The following CELF2 variants were observed in gnomAD, a reference collection of about 807,000 sequenced individuals.
The protein encoded by CELF2 is CUG triplet repeat RNA-binding protein 2.
Under a neutral mutation model 62.6 loss-of-function variants are expected in CELF2, and 8 were observed. The ratio of observed to expected loss-of-function variants is 0.13; its 90% CI spans 0.07 to 0.23. The LOEUF (loss-of-function observed/expected upper bound fraction) is 0.23. Among genes scored for constraint, CELF2 ranks in the 10% least tolerant of loss-of-function variants. The pLI, the probability that CELF2 is intolerant of heterozygous loss-of-function variation, is 1.00. For synonymous variants in CELF2, 258 were observed against 250.0 expected (o/e 1.03, Z -0.30); for missense variants, 333 against 671.0 (o/e 0.50, Z 5.56).
intron 1 of CELF2, among the ~76,000 whole-genome samples, chr10:11,148,047 G>C (rs1035794194): frequency 6.6e-6 from 1 of 152,244 alleles, no homozygotes; most frequent in African/African-American, 2.4e-5. Context: ...AGCGCTGCTT[G>C]TTTATTTGCA....
At chr10:11,264,415 G>C (rs933069213) in intron 5 of CELF2, among the ~76,000 whole-genome samples, 9 of 152,290 alleles carry the variant, frequency 5.9e-5, no homozygotes, top group African/African-American at 2.2e-4. Context: ...CATGGTGCTG[G>C]ATAATAAGAG....
the CELF2 span, among the ~76,000 whole-genome samples, chr10:10,465,836 C>G: frequency 6.6e-6 from 1 of 152,078 alleles, no homozygotes; most frequent in Non-Finnish European, 1.5e-5. Flanking sequence ...TACCAGCTAA[C>G]AAGCTCTAAG....
chr10:11,014,370 T>A (rs2056929803), upstream of CELF2, among the ~76,000 whole-genome samples: 1 of 152,202 alleles, frequency 6.6e-6, no homozygotes. Context: ...AATGGAAATG[T>A]CACAAGATAT....
chr10:11,275,961 AAGG>A (rs1418089417), intron 8 of CELF2, among the ~76,000 whole-genome samples: 1 of 152,198 alleles, frequency 6.6e-6, no homozygotes. Context: ...GGGAGAGAGC[AAGG>A]AGAACAGGTT....
chr10:10,986,511 AAGTT>A (rs150158266), intron 2 of CELF2, among the ~76,000 whole-genome samples: 3,374 of 152,280 alleles, frequency 0.022, 63 homozygotes, highest in Middle Eastern at 0.051. Context: ...TAAAGTGTGG[AAGTT>A]AGTTAGGTAT....
At chr10:10,753,781 G>A in the CELF2 span, among the ~76,000 whole-genome samples, 3 of 152,202 alleles carry the variant, frequency 2.0e-5, no homozygotes, top group Non-Finnish European at 2.9e-5. Context: ...TAAAGTTTAT[G>A]CATTGAACTA....
chr10:10,718,842 C>T, the CELF2 span, among the ~76,000 whole-genome samples: 1 of 152,028 alleles, frequency 6.6e-6, no homozygotes, highest in Non-Finnish European at 1.5e-5. Context: ...ATTCTCTATA[C>T]CAATTCCCCA....
chr10:11,295,922 G>C (rs1421920641), intron 9 of CELF2, among the ~76,000 whole-genome samples: 3 of 152,182 alleles, frequency 2.0e-5, no homozygotes, highest in African/African-American at 7.2e-5. Flanking sequence ...TGAGTGGATG[G>C]ATACTCCAGG....
intron 1 of CELF2, among the ~76,000 whole-genome samples, chr10:10,828,877 G>A (rs1343517360): frequency 1.3e-5 from 2 of 152,216 alleles, no homozygotes; most frequent in African/African-American, 4.8e-5. Context: ...CACTGAAAGT[G>A]ATGCTGAGCC....
At chr10:11,133,897 C>T (rs2059994094) in intron 1 of CELF2, among the ~76,000 whole-genome samples, 1 of 152,182 alleles carries the variant, frequency 6.6e-6, no homozygotes. Context: ...CCCTCCCCAG[C>T]TTAGCAGATG....
chr10:11,286,151 T>C (rs1397626805), intron 8 of CELF2, among the ~76,000 whole-genome samples: 1 of 152,198 alleles, frequency 6.6e-6, no homozygotes, highest in Admixed American at 6.5e-5. Flanking sequence ...CTGTGAGGCC[T>C]TGGCCAGGGA....
chr10:10,780,514 C>G, the CELF2 span, among the ~76,000 whole-genome samples: 2 of 152,098 alleles, frequency 1.3e-5, no homozygotes, highest in Middle Eastern at 3.2e-3. Flanking sequence ...TGGAGTCTCG[C>G]TCTGTTGCCT....
At chr10:10,594,208 G>A in the CELF2 span, among the ~76,000 whole-genome samples, 8 of 152,344 alleles carry the variant, frequency 5.3e-5, no homozygotes, top group Admixed American at 1.3e-4. Flanking sequence ...AAGAACAAAA[G>A]AGACACAAGA....
chr10:10,882,095 A>G (rs1391506787), intron 1 of CELF2, among the ~76,000 whole-genome samples: 2 of 152,190 alleles, frequency 1.3e-5, no homozygotes, highest in Non-Finnish European at 1.5e-5. Context: ...ATATCCATTT[A>G]TTTGGCTGGT....
the CELF2 span, among the ~76,000 whole-genome samples, chr10:10,687,646 AC>A: frequency 6.6e-6 from 1 of 152,194 alleles, no homozygotes; most frequent in Non-Finnish European, 1.5e-5. Flanking sequence ...CATATTTGTC[AC>A]CTTTACTAAT....
chr10:10,751,506 T>A, the CELF2 span, among the ~76,000 whole-genome samples: 2 of 152,258 alleles, frequency 1.3e-5, no homozygotes, highest in Non-Finnish European at 2.9e-5. Context: ...GCCAGCCATG[T>A]TGTAATTCCA....
chr10:10,802,453 G>C (rs902554784), intron 1 of CELF2, among the ~76,000 whole-genome samples: 18 of 152,214 alleles, frequency 1.2e-4, no homozygotes, highest in African/African-American at 4.3e-4. Flanking sequence ...CTGGGTGACA[G>C]AGCGAGACTC....
At chr10:10,893,486 A>G (rs1274946047) in intron 1 of CELF2, among the ~76,000 whole-genome samples, 1 of 152,162 alleles carries the variant, frequency 6.6e-6, no homozygotes, top group Admixed American at 6.6e-5. Context: ...AGGACCTAAA[A>G]CTATGGCTTC....
chr10:10,503,756 G>GT, the CELF2 span, among the ~76,000 whole-genome samples: 1 of 151,934 alleles, frequency 6.6e-6, no homozygotes, highest in South Asian at 2.1e-4. Context: ...TATGGCTTAA[G>GT]TCTAGCATTT....
Sources: gnomAD v4.1 joint callset for allele counts (sites outside exome capture counted in the v4.1 genomes callset) on GRCh38, gnomAD v4.1.1 for gene constraint, MANE v1.5 for transcripts, NCBI Gene and HGNC (gene_info 2026-07-23, HGNC 2026-07-21) for gene names.